Variants in EYS observed in about 807,000 individuals in gnomAD.
The protein encoded by EYS is EGF-like photoreceptor maintenance factor, also known as protein eyes shut homolog.
A neutral mutation model predicts 282.1 loss-of-function variants in EYS; 250 were observed. The observed-to-expected ratio is 0.89, with a 90% CI of 0.80 to 0.98. EYS has a LOEUF of 0.98. Ranked by LOEUF, EYS falls within the 50% of genes least tolerant of loss-of-function variation. The pLI is 0.00. For missense variants in EYS, 4,016 were observed against 3,709.0 expected (o/e 1.08, Z -2.15); for synonymous variants, 1,355 against 1,282.9 (o/e 1.06, Z -1.20).
chr6:65,290,914 A>G (rs1768507329), intron 12 of EYS, among the ~76,000 whole-genome samples: 1 of 151,406 alleles, frequency 6.6e-6, no homozygotes, highest in African/African-American at 2.4e-5. Flanking sequence ...AGTGAAATCT[A>G]AAGTCCTTTG....
At chr6:64,720,912 C>T (rs1771557086) in intron 22 of EYS, among the ~76,000 whole-genome samples, 1 of 152,078 alleles carries the variant, frequency 6.6e-6, no homozygotes, top group Non-Finnish European at 1.5e-5. Flanking sequence ...TTTATGAAAG[C>T]CTAAAATATG....
At chr6:64,394,998 A>C (rs1233991280) in intron 28 of EYS, among the ~76,000 whole-genome samples, 1 of 152,220 alleles carries the variant, frequency 6.6e-6, no homozygotes, top group East Asian at 1.9e-4. Context: ...TCTCGAAAGA[A>C]GACATTTATG....
At chr6:63,832,115 G>A (rs1028525738) in intron 36 of EYS, among the ~76,000 whole-genome samples, 8 of 152,150 alleles carry the variant, frequency 5.3e-5, no homozygotes, top group Middle Eastern at 3.4e-3. Flanking sequence ...AAGAAAGCAG[G>A]AAAGATCTAA....
chr6:65,374,706 C>T (rs1397181303), intron 8 of EYS, among the ~76,000 whole-genome samples: 1 of 152,056 alleles, frequency 6.6e-6, no homozygotes, highest in Non-Finnish European at 1.5e-5. Flanking sequence ...GATCATCAAA[C>T]TTGGTGGGGA....
intron 1 of EYS, among the ~76,000 whole-genome samples, chr6:65,648,928 C>T (rs550562830): frequency 2.6e-5 from 4 of 151,570 alleles, no homozygotes; most frequent in East Asian, 2.0e-4. Context: ...AGGTAGATCA[C>T]GGGGTCAGGA....
intron 30 of EYS, among the ~76,000 whole-genome samples, chr6:64,234,729 C>T (rs1430954615): frequency 6.6e-6 from 1 of 152,132 alleles, no homozygotes; most frequent in Non-Finnish European, 1.5e-5. Context: ...TCTTAGTAAA[C>T]GTTTAATCTA....
intron 35 of EYS, among the ~76,000 whole-genome samples, chr6:63,867,379 T>C (rs1283520835): frequency 6.6e-6 from 1 of 152,170 alleles, no homozygotes; most frequent in African/African-American, 2.4e-5. Flanking sequence ...AGAAACCTTT[T>C]TTTGGAAATT....
intron 15 of EYS, 108 bp downstream of exon 15, chr6:64,945,685 G>T: frequency 9.6e-7 from 1 of 1,038,388 alleles, no homozygotes; most frequent in Non-Finnish European, 1.3e-6. Context: ...TTGCTGGATG[G>T]TTATTTTAAT....
intron 22 of EYS, among the ~76,000 whole-genome samples, chr6:64,798,796 A>T (rs1583169653): frequency 6.6e-6 from 1 of 151,650 alleles, no homozygotes; most frequent in Admixed American, 6.6e-5. Flanking sequence ...TTGCATTTGA[A>T]CCCACATAAT....
At chr6:65,513,494 GA>G (rs1562233594) in intron 2 of EYS, among the ~76,000 whole-genome samples, 1 of 152,038 alleles carries the variant, frequency 6.6e-6, no homozygotes, top group Non-Finnish European at 1.5e-5. Flanking sequence ...CCAAAAAAGA[GA>G]ATTTTAGACC....
chr6:64,738,133 T>C (rs1208934151), intron 22 of EYS, among the ~76,000 whole-genome samples: 1 of 152,158 alleles, frequency 6.6e-6, no homozygotes, highest in African/African-American at 2.4e-5. Context: ...ATTTAGATAT[T>C]TGTCCCCTCA....
chr6:65,369,858 T>A (rs9453281), intron 8 of EYS, among the ~76,000 whole-genome samples: 6,972 of 151,720 alleles, frequency 0.046, 529 homozygotes, highest in African/African-American at 0.16. Flanking sequence ...GGGATCTTCC[T>A]GATTCTGACT....
chr6:64,633,653 A>G (rs1767871214), intron 22 of EYS, among the ~76,000 whole-genome samples: 1 of 150,228 alleles, frequency 6.7e-6, no homozygotes, highest in Admixed American at 6.6e-5. Flanking sequence ...AATGGAGCCT[A>G]AGCCCCCTTT....
chr6:64,889,252 A>T (rs1437220828), intron 18 of EYS, among the ~76,000 whole-genome samples: 1 of 151,924 alleles, frequency 6.6e-6, no homozygotes, highest in Non-Finnish European at 1.5e-5. Context: ...GGTGATTTTC[A>T]TTATCTTAAA....
intron 26 of EYS, among the ~76,000 whole-genome samples, chr6:64,577,513 C>T (rs998956236): frequency 6.6e-6 from 1 of 151,940 alleles, no homozygotes; most frequent in Admixed American, 6.6e-5. Context: ...CACACACACA[C>T]AGACATATGC....
intron 26 of EYS, among the ~76,000 whole-genome samples, chr6:64,452,037 G>C (rs1237327346): frequency 6.6e-6 from 1 of 152,090 alleles, no homozygotes; most frequent in Non-Finnish European, 1.5e-5. Flanking sequence ...GGAAATAAAG[G>C]GCATTCAATT....
chr6:64,009,447 C>T (rs560630450), intron 33 of EYS, among the ~76,000 whole-genome samples: 2 of 121,950 alleles, frequency 1.6e-5, no homozygotes, highest in African/African-American at 7.6e-5. Flanking sequence ...CCACGCAAGG[C>T]TAATTTTTTT....
At chr6:65,310,125 C>A (rs1260008101) in intron 11 of EYS, among the ~76,000 whole-genome samples, 1 of 152,128 alleles carries the variant, frequency 6.6e-6, no homozygotes, top group Non-Finnish European at 1.5e-5. Context: ...AGACAGATCA[C>A]TTGAGGTCAG....
At chr6:64,224,347 A>C (rs1766194033) in intron 31 of EYS, among the ~76,000 whole-genome samples, 1 of 151,934 alleles carries the variant, frequency 6.6e-6, no homozygotes, top group Non-Finnish European at 1.5e-5. Flanking sequence ...TTCTACTCTC[A>C]GATCTATCAT....
Sources: allele counts gnomAD v4.1 joint callset (sites outside exome capture counted in the v4.1 genomes callset), GRCh38; gene constraint gnomAD v4.1.1; transcripts MANE v1.5; gene names NCBI Gene and HGNC (gene_info 2026-07-23, HGNC 2026-07-21).